Variants in PTPRN2 observed in about 807,000 individuals in gnomAD.
The protein encoded by PTPRN2 is receptor-type tyrosine-protein phosphatase N2.
A neutral mutation model predicts 118.8 loss-of-function variants in PTPRN2; 74 were observed. The observed-to-expected ratio is 0.62, with a 90% CI of 0.52 to 0.76. PTPRN2 has a LOEUF of 0.76. Among genes scored for constraint, PTPRN2 ranks in the 30% least tolerant of loss-of-function variants. PTPRN2 has a pLI of 0.00. For missense variants in PTPRN2, 1,481 were observed against 1,394.4 expected (o/e 1.06, Z -0.99); for synonymous variants, 641 against 608.0 (o/e 1.05, Z -0.80).
At chr7:157,945,166 A>C (rs6977123) in intron 11 of PTPRN2, among the ~76,000 whole-genome samples, 1 of 151,852 alleles carries the variant, frequency 6.6e-6, no homozygotes, top group African/African-American at 2.4e-5. Flanking sequence ...CGGAGGCCCC[A>C]GTGCTGGGTG....
At chr7:158,172,928 CCAT>C (rs922762369) in intron 5 of PTPRN2, among the ~76,000 whole-genome samples, 16 of 151,076 alleles carry the variant, frequency 1.1e-4, no homozygotes, top group Admixed American at 5.9e-4. Flanking sequence ...AGCATCCCCA[CCAT>C]CATCACTTCC....
rs566567952 is a variant in PTPRN2 at position 157,615,752 on chromosome 7, A to C, written c.2344+5610T>G. ...CAGGAACCACAAGCTCTGGAGGCTG[A>C]ACGAGAATCGGTTACAGGAGATGAA... On this transcript the variant is annotated intron_variant, in intron 15 of 22. Coordinates refer to ENST00000389418, the MANE Select transcript of PTPRN2 (RefSeq NM_002847.5). This position sits in a 1 kb window ranked among gnomAD's most constrained non-coding sequence, Gnocchi z 4.3. 58 of 387,534 alleles carry C rather than the reference A, an allele frequency of 1.5e-4. 2 individuals are homozygous for C. The highest frequency in any genetic ancestry group is 1.1e-3 in the South Asian group (56 of 52,832). The allele number at this position is 387,534 out of a possible 1,614,324, so 24.0% of individuals were successfully genotyped here. A position where few individuals can be genotyped will look rare whatever the true frequency, so the allele number is the denominator to read the frequency against.
At chr7:157,628,436 A>G (rs1321446372) in intron 14 of PTPRN2, among the ~76,000 whole-genome samples, 1 of 152,164 alleles carries the variant, frequency 6.6e-6, no homozygotes, top group East Asian at 1.9e-4. Context: ...AGAGATGAAC[A>G]TGGAAAGGAG....
chr7:158,381,721 TGATAAAGACATACCC>T (rs1380309162), intron 2 of PTPRN2, among the ~76,000 whole-genome samples: 2 of 152,310 alleles, frequency 1.3e-5, no homozygotes, highest in African/African-American at 4.8e-5. Context: ...TTCATGCTGT[TGATAAAGACATACCC>T]GAGACTGGGT....
chr7:158,494,002 G>A (rs998509735), intron 1 of PTPRN2, among the ~76,000 whole-genome samples: 3 of 152,220 alleles, frequency 2.0e-5, no homozygotes, highest in Non-Finnish European at 4.4e-5. Flanking sequence ...GCAGTATCTT[G>A]TCACCATTGT....
At chr7:157,890,214 T>C (rs939695785) in intron 12 of PTPRN2, among the ~76,000 whole-genome samples, 8 of 152,194 alleles carry the variant, frequency 5.3e-5, no homozygotes, top group Non-Finnish European at 1.2e-4. Context: ...ACCACTGCTG[T>C]CCTGCCTTCT....
At chr7:157,917,387 A>G (rs1019287609) in intron 11 of PTPRN2, among the ~76,000 whole-genome samples, 2 of 152,254 alleles carry the variant, frequency 1.3e-5, no homozygotes. Flanking sequence ...TCAGGGTTCC[A>G]AGAAAGGTTC....
rs544834590 is a variant in PTPRN2 at position 158,258,832 on chromosome 7, G to C, written c.278-53559C>G. Among the ~76,000 whole-genome samples the C allele has an allele frequency of 2.6e-5, 4 of 152,304 alleles. No homozygotes were observed. In the South Asian group the frequency reaches 8.3e-4, roughly 32 times the overall value. Reference sequence around the variant, plus strand: ...AACATTTGGGGATCTGGTTTCACAAGGTCCCAGGAAGCCAGAAGTCTCCTG... The same window carrying C: ...AACATTTGGGGATCTGGTTTCACAACGTCCCAGGAAGCCAGAAGTCTCCTG... On this transcript the variant is annotated intron_variant, in intron 3 of 22. Transcript: ENST00000389418.
chr7:158,134,135 G>C (rs984880029), intron 8 of PTPRN2, 76 bp from the exon 9 acceptor site: 1 of 1,496,388 alleles, frequency 6.7e-7, no homozygotes, highest in Non-Finnish European at 9.1e-7. Context: ...AGGGCTGCCC[G>C]GGACAGAGTC....
chr7:157,771,919 CACAG>C (rs1304375420), intron 12 of PTPRN2, among the ~76,000 whole-genome samples: 4 of 148,484 alleles, frequency 2.7e-5, no homozygotes, highest in Non-Finnish European at 5.9e-5. Context: ...CAGACAAACA[CACAG>C]AGACACACAC....
At position 157,987,432 on chromosome 7, in the gene PTPRN2, G is replaced by A. The variant is rs1803887587; in HGVS notation, c.1724-88695C>T. ...TAATGGGGTGATCGGTCACTAAACG[G>A]GGTGAGATGACAGGTCATTAATGGG... On this transcript the variant is annotated intron_variant, in intron 11 of 22. Transcript: ENST00000389418. The surrounding 1 kb of genome is among the most constrained non-coding windows in gnomAD (Gnocchi z 4.3). 6.6e-6 allele frequency among the ~76,000 whole-genome samples: 1 copy of A among 151,982 alleles called. No homozygotes were observed. The highest frequency in any genetic ancestry group is 1.5e-5 in the Non-Finnish European group (1 of 67,998).
At chr7:157,677,544 T>C (rs1038359166) in intron 13 of PTPRN2, among the ~76,000 whole-genome samples, 27 of 152,190 alleles carry the variant, frequency 1.8e-4, no homozygotes, top group African/African-American at 5.1e-4. Flanking sequence ...CTGTGAACAC[T>C]TCAGATTTAT....
chr7:158,466,641 C>T (rs757975632), intron 2 of PTPRN2, among the ~76,000 whole-genome samples: 8 of 152,226 alleles, frequency 5.3e-5, no homozygotes, highest in Non-Finnish European at 8.8e-5. Flanking sequence ...AGGGTGCAGA[C>T]ACCTCTTCTG....
At chr7:158,071,396 G>T (rs929531027) in intron 11 of PTPRN2, among the ~76,000 whole-genome samples, 2 of 84,138 alleles carry the variant, frequency 2.4e-5, no homozygotes, top group African/African-American at 9.0e-5. Context: ...TGGTGGAGGT[G>T]CTCGTGGTGG....
chr7:157,772,602 C>A (rs1029577965), intron 12 of PTPRN2, among the ~76,000 whole-genome samples: 1 of 152,198 alleles, frequency 6.6e-6, no homozygotes, highest in African/African-American at 2.4e-5. Flanking sequence ...CTGCTGCGGG[C>A]GGCCTCAGCT....
Position 157,550,994 on chromosome 7 carries a change from C to T in PTPRN2, c.2903-1975G>A, listed in dbSNP as rs761738868. 2.6e-5 allele frequency among the ~76,000 whole-genome samples: 4 copies of T among 152,226 alleles called. No homozygotes were observed. The highest frequency in any genetic ancestry group is 5.9e-5 in the Non-Finnish European group (4 of 68,028). ...AGGAAGGGAGGAAGCCAAAGGACCC[C>T]TCCTGCGGCCATGACTGTGGCGGCC... On this transcript the variant is annotated intron_variant, in intron 21 of 22. Coordinates refer to ENST00000389418, the MANE Select transcript of PTPRN2 (RefSeq NM_002847.5). This position sits in a 1 kb window ranked among gnomAD's most constrained non-coding sequence, Gnocchi z 5.2.
intron 4 of PTPRN2, among the ~76,000 whole-genome samples, chr7:158,200,577 A>T (rs1203890637): frequency 6.6e-6 from 1 of 152,248 alleles, no homozygotes; most frequent in Non-Finnish European, 1.5e-5. Context: ...TAAACTATTT[A>T]TAAAAGTCTG....
At chr7:158,364,249 A>G (rs35230331) in intron 2 of PTPRN2, among the ~76,000 whole-genome samples, 66 of 85,592 alleles carry the variant, frequency 7.7e-4, no homozygotes, top group East Asian at 1.1e-3. Context: ...TCCCCCAGCA[A>G]GGTCTGCAGA....
At chr7:158,202,434 G>T (rs1242263413) in intron 4 of PTPRN2, among the ~76,000 whole-genome samples, 1 of 152,136 alleles carries the variant, frequency 6.6e-6, no homozygotes, top group Non-Finnish European at 1.5e-5. Context: ...ATGAGAGGGA[G>T]TGATTGTCCC....
Sources: allele counts gnomAD v4.1 joint callset (sites outside exome capture counted in the v4.1 genomes callset), GRCh38; gene constraint gnomAD v4.1.1; non-coding constraint Gnocchi (gnomAD v3.1); transcripts MANE v1.5; gene names NCBI Gene and HGNC (gene_info 2026-07-23, HGNC 2026-07-21).